THSD7B: variants seen among roughly 807,000 people sequenced by gnomAD.
The protein encoded by THSD7B is thrombospondin type 1 domain containing 7B.
THSD7B carries 138 observed loss-of-function variants against 213.6 expected under a neutral mutation model. The ratio of observed to expected loss-of-function variants is 0.65; its 90% CI spans 0.56 to 0.74. The LOEUF (loss-of-function observed/expected upper bound fraction) is 0.74, where lower values mean the gene tolerates loss of function less well. Among genes scored for constraint, THSD7B ranks in the 30% least tolerant of loss-of-function variants. The pLI is 0.00. For synonymous variants in THSD7B, 742 were observed against 687.0 expected (o/e 1.08, Z -1.25); for missense variants, 1,931 against 1,991.5 (o/e 0.97, Z 0.58).
chr2:137,301,892 T>C lies in THSD7B; in HGVS notation c.2500+25866T>C, dbSNP rs72975683. Among the ~76,000 whole-genome samples, 786 of 152,140 alleles carry C rather than the reference T, an allele frequency of 5.2e-3. 9 individuals are homozygous for C. The highest frequency in any genetic ancestry group is 0.018 in the African/African-American group (766 of 41,532). The stretch of plus-strand genomic sequence containing the variant: ...TTTTACTCAGTGAAATGGATGGCTT[T>C]TGAAAGCTTTATACAGAAGACTGAT... On this transcript the variant is annotated intron_variant, in intron 12 of 27. Coordinates refer to ENST00000409968, the MANE Select transcript of THSD7B (RefSeq NM_001316349.2).
intron 20 of THSD7B, among the ~76,000 whole-genome samples, chr2:137,622,071 G>T (rs1288271795): frequency 6.6e-6 from 1 of 152,144 alleles, no homozygotes. Flanking sequence ...ATTCATGGGG[G>T]ATCAGCACTT....
chr2:137,017,125 A>G (rs1383990395), intron 2 of THSD7B, among the ~76,000 whole-genome samples: 5 of 152,006 alleles, frequency 3.3e-5, no homozygotes, highest in African/African-American at 7.2e-5. Flanking sequence ...GTTGCAAACT[A>G]TTTTTTTATT....
intron 12 of THSD7B, among the ~76,000 whole-genome samples, chr2:137,309,665 C>G (rs970564786): frequency 6.6e-6 from 1 of 152,066 alleles, no homozygotes; most frequent in Non-Finnish European, 1.5e-5. Flanking sequence ...CTACCCCCAC[C>G]CCACAACAGT....
chr2:137,600,042 CTCTTCT>C (rs1405510859), intron 17 of THSD7B, among the ~76,000 whole-genome samples: 1 of 152,112 alleles, frequency 6.6e-6, no homozygotes, highest in African/African-American at 2.4e-5. Flanking sequence ...TCTCTGCCTC[CTCTTCT>C]TCTTCATCAT....
intron 10 of THSD7B, among the ~76,000 whole-genome samples, 160 bp from the exon 11 acceptor site, chr2:137,272,373 G>A (rs1359324904): frequency 6.6e-6 from 1 of 152,094 alleles, no homozygotes; most frequent in Admixed American, 6.6e-5. Flanking sequence ...AAGTAAGATG[G>A]AGTGTTAACT....
At chr2:137,212,600 A>G (rs1329874989) in intron 7 of THSD7B, among the ~76,000 whole-genome samples, 1 of 152,082 alleles carries the variant, frequency 6.6e-6, no homozygotes. Context: ...GAGGGCTGAG[A>G]TGGTAATACT....
intron 4 of THSD7B, among the ~76,000 whole-genome samples, chr2:137,108,821 G>A (rs1573828054): frequency 6.6e-6 from 1 of 152,106 alleles, no homozygotes; most frequent in Non-Finnish European, 1.5e-5. Context: ...TCAGGCATGG[G>A]GGGATAAAAG....
At chr2:137,655,467 T>C (rs773434675) in intron 21 of THSD7B, 34 bp from the exon 22 acceptor site, 3 of 1,581,126 alleles carry the variant, frequency 1.9e-6, no homozygotes, top group Non-Finnish European at 2.6e-6. Context: ...GTGAATTATT[T>C]GGGTAATTGT....
At chr2:137,306,140 A>C (rs1683735550) in intron 12 of THSD7B, among the ~76,000 whole-genome samples, 2 of 152,086 alleles carry the variant, frequency 1.3e-5, no homozygotes, top group Non-Finnish European at 2.9e-5. Flanking sequence ...ATATGACTGG[A>C]GAGCTCAGTA....
intron 20 of THSD7B, among the ~76,000 whole-genome samples, chr2:137,623,778 T>G (rs1002196463): frequency 6.6e-6 from 1 of 152,194 alleles, no homozygotes; most frequent in South Asian, 2.1e-4. Flanking sequence ...ACAAGGGATG[T>G]GAAGGACCTC....
chr2:136,872,814 CA>C (rs60759275), intron 1 of THSD7B, among the ~76,000 whole-genome samples: 46 of 65,532 alleles, frequency 7.0e-4, no homozygotes, highest in African/African-American at 2.5e-3. Flanking sequence ...ACTGAAAATA[CA>C]AAAAAAAAAA....
intron 5 of THSD7B, among the ~76,000 whole-genome samples, chr2:137,123,758 A>G (rs1240241988): frequency 6.6e-6 from 1 of 151,924 alleles, no homozygotes; most frequent in Non-Finnish European, 1.5e-5. Context: ...TTCCTCCTTC[A>G]ATTTCTTTCT....
At chr2:136,769,808 T>A (rs1229725718) in intron 1 of THSD7B, among the ~76,000 whole-genome samples, 1 of 152,178 alleles carries the variant, frequency 6.6e-6, no homozygotes, top group Admixed American at 6.5e-5. Context: ...GATGTGGAGA[T>A]CTGTGAAAGT....
intron 27 of THSD7B, 92 bp from the exon 28 acceptor site, chr2:137,676,432 C>T (rs557952675): frequency 1.4e-5 from 16 of 1,153,424 alleles, no homozygotes; most frequent in East Asian, 5.4e-5. Flanking sequence ...GTCATTTTAC[C>T]GCTTAAATTT....
intron 2 of THSD7B, among the ~76,000 whole-genome samples, chr2:137,024,431 A>G (rs189737734): frequency 6.6e-6 from 1 of 152,252 alleles, no homozygotes; most frequent in Non-Finnish European, 1.5e-5. Flanking sequence ...CGCTGAGGAT[A>G]GTACGTTTCT....
chr2:137,185,403 C>T (rs952310196), intron 7 of THSD7B, among the ~76,000 whole-genome samples: 1 of 151,992 alleles, frequency 6.6e-6, no homozygotes, highest in Non-Finnish European at 1.5e-5. Flanking sequence ...ATCCCTTGCC[C>T]CCTTTTATAC....
intron 3 of THSD7B, among the ~76,000 whole-genome samples, chr2:137,061,681 T>C (rs1237067874): frequency 6.6e-6 from 1 of 151,876 alleles, no homozygotes; most frequent in African/African-American, 2.4e-5. Context: ...TTTCAAATGT[T>C]GAACCAGCCT....
chr2:137,391,882 G>A (rs1686035974), intron 12 of THSD7B, among the ~76,000 whole-genome samples: 1 of 152,068 alleles, frequency 6.6e-6, no homozygotes, highest in South Asian at 2.1e-4. Context: ...GGCATTTAAT[G>A]CTACAGACTT....
chr2:137,070,303 A>G (rs1406654696), intron 3 of THSD7B, among the ~76,000 whole-genome samples: 5 of 151,708 alleles, frequency 3.3e-5, no homozygotes, highest in African/African-American at 1.2e-4. Flanking sequence ...TTACAGTTGC[A>G]TAGTACTTCA....
Sources: gnomAD v4.1 joint callset for allele counts (sites outside exome capture counted in the v4.1 genomes callset) on GRCh38, gnomAD v4.1.1 for gene constraint, MANE v1.5 for transcripts, NCBI Gene and HGNC (gene_info 2026-07-23, HGNC 2026-07-21) for gene names.